TJP2: variants seen among roughly 807,000 people sequenced by gnomAD.
TJP2 encodes the protein Friedreich ataxia region gene X104 (tight junction protein ZO-2).
In TJP2, 91 loss-of-function variants were observed where a neutral mutation model predicts 133.1. The ratio of observed to expected loss-of-function variants is 0.68; its 90% CI spans 0.58 to 0.81. The LOEUF (loss-of-function observed/expected upper bound fraction) is 0.81, where lower values mean the gene tolerates loss of function less well. Ranked by LOEUF, TJP2 falls within the 40% of genes least tolerant of loss-of-function variation. The probability of loss-of-function intolerance (pLI) is 0.00; values close to 1 mark genes in which losing one functional copy is unlikely to be tolerated. For missense variants in TJP2, 1,541 were observed against 1,565.6 expected (o/e 0.98, Z 0.26); for synonymous variants, 592 against 583.4 (o/e 1.01, Z -0.21).
intron 22 of TJP2, chr9:69,253,986 G>C: frequency 1.7e-6 from 1 of 587,816 alleles, no homozygotes; most frequent in Non-Finnish European, 3.1e-6. Flanking sequence ...AGGTCAGGGA[G>C]CACCTGGCTG....
Position 69,230,189 on chromosome 9 carries a change from C to T in TJP2, c.1628C>T (p.Ser543Leu), listed in dbSNP as rs749639839. ...GTTGCTGGCATTCAAGAAGGGACCT[C>T]GGCGGAGCAGGAGGGCCTTCAAGAA... ...IFVAGIQEGT[S>L]AEQEGLQEGD... The change falls in exon 11 of 23, where the codon TCG becomes TTG. Residue 543 changes from serine to leucine, a missense_variant. Physicochemically the swap from Ser to Leu is moderately radical, Grantham distance 145. Transcript: ENST00000377245. 3.8e-5 allele frequency: 61 copies of T among 1,614,050 alleles called. 1 individual carries two copies. The South Asian group carries it at 4.1e-4, about 11-fold the overall frequency.
At chr9:69,208,824 T>G (rs1827632804) in intron 1 of TJP2, among the ~76,000 whole-genome samples, 1 of 152,174 alleles carries the variant, frequency 6.6e-6, no homozygotes, top group African/African-American at 2.4e-5. Context: ...CATGTAATTT[T>G]TTTTCCCCCT....
chr9:69,165,209 C>T (rs1382934064), intron 2 of TJP2, among the ~76,000 whole-genome samples: 1 of 152,200 alleles, frequency 6.6e-6, no homozygotes, highest in Non-Finnish European at 1.5e-5. Context: ...GCTACTGCAG[C>T]CTCAACCTCT....
chr9:69,211,124 G>A (rs1827875785), intron 1 of TJP2, among the ~76,000 whole-genome samples: 1 of 152,204 alleles, frequency 6.6e-6, no homozygotes, highest in African/African-American at 2.4e-5. Flanking sequence ...TGGATCACAA[G>A]GTCAGGAGTT....
chr9:69,201,686 C>T (rs4745692), intron 1 of TJP2, among the ~76,000 whole-genome samples: 63,972 of 151,936 alleles, frequency 0.42, 13,802 homozygotes, highest in East Asian at 0.63. Context: ...TTCACTATAG[C>T]CAAGAGGTGA....
chr9:69,132,855 C>T (rs1822557570), intron 1 of TJP2, among the ~76,000 whole-genome samples: 1 of 152,198 alleles, frequency 6.6e-6, no homozygotes, highest in Admixed American at 6.5e-5. Context: ...TCAGACCAAC[C>T]TGGGTAGGAA....
chr9:69,195,040 A>G (rs1265426740), intron 1 of TJP2, among the ~76,000 whole-genome samples: 1 of 152,190 alleles, frequency 6.6e-6, no homozygotes, highest in Non-Finnish European at 1.5e-5. Flanking sequence ...TCTGGGAGGG[A>G]ACGATTGACC....
At chr9:69,133,862 G>A (rs145896058) in intron 1 of TJP2, among the ~76,000 whole-genome samples, 1 of 152,028 alleles carries the variant, frequency 6.6e-6, no homozygotes, top group Non-Finnish European at 1.5e-5. Context: ...CATTTTTCTG[G>A]CTCTTGAACA....
intron 17 of TJP2, among the ~76,000 whole-genome samples, chr9:69,242,422 CT>C (rs893444684): frequency 1.3e-5 from 2 of 152,218 alleles, no homozygotes; most frequent in African/African-American, 4.8e-5. Context: ...AGAACTGCCC[CT>C]GGCACACCAA....
chr9:69,188,209 G>A (rs922003270), intron 1 of TJP2, among the ~76,000 whole-genome samples: 11 of 152,190 alleles, frequency 7.2e-5, no homozygotes, highest in African/African-American at 2.2e-4. Context: ...GTAAGACCAC[G>A]TTTGGTTAGC....
rs779988750 is a variant in TJP2, at chr9:69,236,999, AC to A, written c.2044del (p.Arg682GlyfsTer14). Reference sequence around the variant, plus strand: ...AATGCCCAGAGAGACAACGCTGGGGACCGGGCAGATTTCTGGAGAATGCGTG... The same window carrying A: ...AATGCCCAGAGAGACAACGCTGGGGACGGGCAGATTTCTGGAGAATGCGTG... The part of the protein sequence containing the change: ...VQNAQRDNAG[D>X]RADFWRMRGQ... On this transcript the variant is annotated frameshift_variant, in exon 14 of 23. Transcript: ENST00000377245. LOFTEE classifies it high-confidence loss of function. 3.1e-6 allele frequency: 5 copies of A among 1,614,180 alleles called. No homozygotes were observed. The highest frequency in any genetic ancestry group is 3.4e-6 in the Non-Finnish European group (4 of 1,180,034).
At chr9:69,246,480 C>T (rs886481481) in intron 17 of TJP2, 5 of 561,988 alleles carry the variant, frequency 8.9e-6, no homozygotes, top group Non-Finnish European at 1.6e-5. Flanking sequence ...TTATCACATC[C>T]ACCTATAATG....
chr9:69,191,575 A>G (rs1455960368), intron 1 of TJP2, among the ~76,000 whole-genome samples: 2 of 152,210 alleles, frequency 1.3e-5, no homozygotes, highest in Non-Finnish European at 2.9e-5. Flanking sequence ...TGTATCAGTC[A>G]CTGTTACTCC....
At chr9:69,247,365 T>C (rs1372094147) in intron 18 of TJP2, among the ~76,000 whole-genome samples, 9 of 152,232 alleles carry the variant, frequency 5.9e-5, no homozygotes, top group Non-Finnish European at 1.3e-4. Context: ...GGAGATTCTA[T>C]TACCTGTGGC....
intron 2 of TJP2, among the ~76,000 whole-genome samples, chr9:69,162,779 G>A (rs1420582501): frequency 6.6e-6 from 1 of 152,176 alleles, no homozygotes; most frequent in African/African-American, 2.4e-5. Context: ...TACCTGGAAA[G>A]GTGCTCAGTA....
intron 16 of TJP2, among the ~76,000 whole-genome samples, 178 bp from the exon 17 acceptor site, chr9:69,239,759 A>G (rs1033807471): frequency 6.6e-6 from 1 of 152,180 alleles, no homozygotes; most frequent in African/African-American, 2.4e-5. Flanking sequence ...GGTCGCAGTG[A>G]GCCAAGTTTG....
chr9:69,168,026 G>A (rs1239165819), intron 2 of TJP2, among the ~76,000 whole-genome samples: 1 of 152,164 alleles, frequency 6.6e-6, no homozygotes, highest in Non-Finnish European at 1.5e-5. Flanking sequence ...GCAACTTAGA[G>A]CAGCTTTGTT....
upstream of TJP2, among the ~76,000 whole-genome samples, chr9:69,171,531 G>C (rs1371101766): frequency 1.3e-5 from 2 of 152,022 alleles, no homozygotes; most frequent in Non-Finnish European, 2.9e-5. Context: ...TACCTGGAAG[G>C]CTTTTTTCCT....
Position 69,221,123 on chromosome 9 carries a change from G to A in TJP2, c.579G>A (p.Arg193=). The A allele has an allele frequency of 6.3e-7, 1 of 1,587,556 alleles. No individual in the cohort carries two copies. The highest frequency in any genetic ancestry group is 8.6e-7 in the Non-Finnish European group (1 of 1,167,570). The part of the protein sequence containing the change: ...RARSRERDLS[R]DRSRGRSLER... The stretch of plus-strand genomic sequence containing the variant: ...GGAGCCGGGAGCGGGACCTCAGCCG[G>A]GACCGGAGCCGTGGCCGGAGCCTGG... The change falls in exon 5 of 23, where the codon CGG becomes CGA. Residue 193 remains arginine, a synonymous_variant. Coordinates refer to ENST00000377245, the MANE Select transcript of TJP2 (RefSeq NM_004817.4).
Sources: gnomAD v4.1 joint callset for allele counts (sites outside exome capture counted in the v4.1 genomes callset) on GRCh38, gnomAD v4.1.1 for gene constraint, MANE v1.5 for transcripts, NCBI Gene and HGNC (gene_info 2026-07-23, HGNC 2026-07-21) for gene names.